EXTL3: variants seen among roughly 807,000 people sequenced by gnomAD.
EXTL3 encodes exostosin like glycosyltransferase 3.
In EXTL3, 27 loss-of-function variants were observed where a neutral mutation model predicts 69.3. The ratio of observed to expected loss-of-function variants is 0.39; its 90% CI spans 0.29 to 0.54. EXTL3 has a LOEUF of 0.54. Among genes scored for constraint, EXTL3 ranks in the 20% least tolerant of loss-of-function variants. EXTL3 has a pLI of 0.69. For missense variants in EXTL3, 1,003 were observed against 1,231.8 expected (o/e 0.81, Z 2.78); for synonymous variants, 511 against 499.4 (o/e 1.02, Z -0.31).
rs551022907 is a variant in EXTL3 at position 28,755,122 on chromosome 8, G to T, written c.*4256G>T. On this transcript the variant is annotated 3_prime_UTR_variant, in exon 7 of 7. Coordinates refer to ENST00000220562, the MANE Select transcript of EXTL3 (RefSeq NM_001440.4). ...TTAAAAGTTAAATAATATAATATAC[G>T]TAGAGTCCACTGTTTGACACAATAA... The T allele has an allele frequency of 6.6e-6, 1 of 152,148 alleles. No homozygotes were observed. The highest frequency in any genetic ancestry group is 1.5e-5 in the Non-Finnish European group (1 of 68,028). 9.4% of individuals were successfully genotyped at this position (152,148 alleles called of 1,614,324 possible).
intron 1 of EXTL3, among the ~76,000 whole-genome samples, chr8:28,655,489 CTT>C (rs60021378): frequency 2.8e-4 from 37 of 130,942 alleles, no homozygotes; most frequent in Admixed American, 3.2e-4. Flanking sequence ...AAAAATCTTC[CTT>C]TTTTTTTTTT....
At chr8:28,666,854 C>A (rs146388566) in intron 1 of EXTL3, among the ~76,000 whole-genome samples, 4,051 of 152,268 alleles carry the variant, frequency 0.027, 132 homozygotes, top group African/African-American at 0.076. Context: ...GGATTACAGG[C>A]ATGAGCCACC....
At chr8:28,626,156 G>C (rs1449856656) in intron 1 of EXTL3, among the ~76,000 whole-genome samples, 1 of 144,952 alleles carries the variant, frequency 6.9e-6, no homozygotes, top group Non-Finnish European at 1.5e-5. Context: ...TGGGCAACAG[G>C]GTGAGACCCT....
chr8:28,677,613 T>C (rs1047307077), intron 1 of EXTL3, among the ~76,000 whole-genome samples: 1 of 152,240 alleles, frequency 6.6e-6, no homozygotes, highest in African/African-American at 2.4e-5. Context: ...CTCTCTGGCA[T>C]TGCAATCATT....
At chr8:28,689,650 T>A (rs370713404) in intron 1 of EXTL3, among the ~76,000 whole-genome samples, 1 of 152,256 alleles carries the variant, frequency 6.6e-6, no homozygotes, top group Non-Finnish European at 1.5e-5. Context: ...TTCATATCTG[T>A]TGTCTTCTAT....
Position 28,716,124 on chromosome 8 carries a change from G to A in EXTL3, c.65G>A (p.Arg22His), listed in dbSNP as rs758164674. Residue 22 changes from arginine to histidine, a missense_variant, in exon 3 of 7, where the codon CGC (arginine) becomes CAC (histidine). By Grantham distance (29) the Arg-to-His change is conservative. Transcript: ENST00000220562. This position sits in a 1 kb window ranked among gnomAD's most constrained non-coding sequence, Gnocchi z 7.1. ...AGNGGQTCML[R>H]WSNRIRLTWL... Reference sequence around the variant, plus strand: ...AACGGAGGTCAGACCTGCATGCTGCGCTGGTCCAACCGCATCCGCCTCACG... The same window carrying A: ...AACGGAGGTCAGACCTGCATGCTGCACTGGTCCAACCGCATCCGCCTCACG... 15 of 1,613,582 alleles carry A rather than the reference G, an allele frequency of 9.3e-6. 1 individual carries two copies. In the South Asian group the frequency reaches 9.9e-5, roughly 11 times the overall value.
chr8:28,689,875 C>A (rs1348161116), intron 1 of EXTL3, among the ~76,000 whole-genome samples: 1 of 152,102 alleles, frequency 6.6e-6, no homozygotes, highest in Non-Finnish European at 1.5e-5. Flanking sequence ...TTACTGAGTA[C>A]CCTGGTCAAT....
rs539424360 is a variant in EXTL3 at position 28,718,412 on chromosome 8, C to A, written c.2148+205C>A. The stretch of plus-strand genomic sequence containing the variant: ...CCTTGGCAGTTCTGTGGCTGTTACT[C>A]ACTTCCTAAATCGAGGATCCCCAAA... On this transcript the variant is annotated intron_variant, in intron 3 of 6. Transcript: ENST00000220562. Among the ~76,000 whole-genome samples, 7 of 148,076 alleles carry A rather than the reference C, an allele frequency of 4.7e-5. 1 individual carries two copies. The East Asian group carries it at 1.4e-3, about 29-fold the overall frequency.
intron 1 of EXTL3, among the ~76,000 whole-genome samples, chr8:28,679,401 G>A (rs1001559579): frequency 3.3e-5 from 5 of 152,054 alleles, no homozygotes; most frequent in Non-Finnish European, 5.9e-5. Flanking sequence ...AACCAAGATC[G>A]TGCCACTACA....
At chr8:28,695,743 G>A (rs560081667) in intron 1 of EXTL3, among the ~76,000 whole-genome samples, 9 of 152,234 alleles carry the variant, frequency 5.9e-5, no homozygotes, top group East Asian at 1.9e-4. Flanking sequence ...GAGGTCATGC[G>A]GTAAATATAG....
At chr8:28,658,641 C>T (rs774776321) in intron 1 of EXTL3, among the ~76,000 whole-genome samples, 4 of 152,110 alleles carry the variant, frequency 2.6e-5, no homozygotes, top group Non-Finnish European at 4.4e-5. Context: ...AGTGCAGTGG[C>T]ACAATCTCAG....
intron 1 of EXTL3, among the ~76,000 whole-genome samples, chr8:28,637,640 AAAAC>A (rs1328775641): frequency 7.0e-6 from 1 of 142,570 alleles, no homozygotes; most frequent in African/African-American, 2.4e-5. Flanking sequence ...TCTGAAAAAA[AAAAC>A]AATCAATCTG....
intron 1 of EXTL3, among the ~76,000 whole-genome samples, chr8:28,663,491 C>T (rs976001703): frequency 2.6e-4 from 40 of 151,984 alleles, no homozygotes; most frequent in African/African-American, 9.4e-4. Context: ...CTCGCTGTGT[C>T]GCCACGCTAG....
intron 1 of EXTL3, among the ~76,000 whole-genome samples, chr8:28,638,980 C>T (rs1806701063): frequency 6.6e-6 from 1 of 150,490 alleles, no homozygotes; most frequent in Non-Finnish European, 1.5e-5. Context: ...CTGTGTCACC[C>T]AGGCTGCAGT....
intron 6 of EXTL3, 73 bp downstream of exon 6, chr8:28,743,287 G>A (rs1225378567): frequency 2.8e-5 from 42 of 1,497,340 alleles, no homozygotes; most frequent in East Asian, 1.8e-4. Context: ...AGTGCAGCAC[G>A]TAACTGCACT....
chr8:28,719,060 G>T (rs894340335), intron 3 of EXTL3, among the ~76,000 whole-genome samples: 1 of 152,164 alleles, frequency 6.6e-6, no homozygotes, highest in Non-Finnish European at 1.5e-5. Flanking sequence ...TTAACCTGCT[G>T]CATATGTAGT....
chr8:28,748,856 C>G (rs915185623), intron 6 of EXTL3, among the ~76,000 whole-genome samples: 2 of 152,078 alleles, frequency 1.3e-5, no homozygotes, highest in African/African-American at 4.8e-5. Flanking sequence ...AGTCTGTAAT[C>G]CCAACATGTT....
intron 6 of EXTL3, among the ~76,000 whole-genome samples, chr8:28,744,532 C>T (rs1801845356): frequency 6.6e-6 from 1 of 152,126 alleles, no homozygotes; most frequent in African/African-American, 2.4e-5. Context: ...CAGTGGCTTA[C>T]GCCTATAATC....
intron 1 of EXTL3, among the ~76,000 whole-genome samples, chr8:28,650,127 C>T (rs996949373): frequency 8.4e-5 from 12 of 143,054 alleles, no homozygotes; most frequent in Admixed American, 1.5e-4. Context: ...ACCCAGGAGG[C>T]GGAGGTTTCA....
Sources: gnomAD v4.1 joint callset for allele counts (sites outside exome capture counted in the v4.1 genomes callset) on GRCh38, gnomAD v4.1.1 for gene constraint, Gnocchi (gnomAD v3.1) non-coding constraint, MANE v1.5 for transcripts, NCBI Gene and HGNC (gene_info 2026-07-23, HGNC 2026-07-21) for gene names.